NAA10: variants seen among roughly 807,000 people sequenced by gnomAD.
The protein encoded by NAA10 is N-alpha-acetyltransferase 10, NatA catalytic subunit.
A neutral mutation model predicts 19.2 loss-of-function variants in NAA10; 6 were observed. The observed-to-expected ratio is 0.31, with a 90% CI of 0.17 to 0.62. The LOEUF is 0.62. Ranked by LOEUF, NAA10 falls within the 20% of genes least tolerant of loss-of-function variation. The pLI, the probability that NAA10 is intolerant of heterozygous loss-of-function variation, is 0.83. For synonymous variants in NAA10, 97 were observed against 79.9 expected (o/e 1.21, Z -1.14); for missense variants, 101 against 198.4 (o/e 0.51, Z 2.95).
chrX:153,934,117 G>A (rs782639226), intron 2 of NAA10, 116 bp from the exon 3 acceptor site: 5 of 727,457 alleles, frequency 6.9e-6, no homozygotes, highest in Admixed American at 4.5e-5. Flanking sequence ...TCCGGGCTGA[G>A]TGGCTTGGTC....
intron 6 of NAA10, 72 bp downstream of exon 6, chrX:153,931,999 C>CGGCT: frequency 1.7e-6 from 2 of 1,211,525 alleles, no homozygotes. Flanking sequence ...GCAACTCAGC[C>CGGCT]GGTCTCAGGT....
chrX:153,929,256 A>C lies in NAA10; in HGVS notation c.*731T>G, dbSNP rs1603289656. 8.9e-6 allele frequency: 1 copy of C among 112,747 alleles called. No individual in the cohort carries two copies. Among genetic ancestry groups the C allele is most frequent in the East Asian group, 2.8e-4 (1 of 3,632 alleles). 9.3% of individuals were successfully genotyped at this position (112,747 alleles called of 1,213,427 possible). On this transcript the variant is annotated 3_prime_UTR_variant, in exon 8 of 8. Coordinates refer to ENST00000464845, the MANE Select transcript of NAA10 (RefSeq NM_003491.4). ...AAACCATGGGCTGTAGTTTACAATAACTTATCAGTATTGGCGCATCAACAA... is the reference window on the plus strand; with the variant it reads ...AAACCATGGGCTGTAGTTTACAATACCTTATCAGTATTGGCGCATCAACAA...
Position 153,930,821 on chromosome X carries a change from T to C in NAA10, c.413A>G (p.Tyr138Cys). Reference sequence around the variant, plus strand: ...GGCATAGGCGTCCTCCCCATCTGCATAGTATTTGGGCTCCACTTCACTGAT... The same window carrying C: ...GGCATAGGCGTCCTCCCCATCTGCACAGTATTTGGGCTCCACTTCACTGAT... ...FQISEVEPKY[Y>C]ADGEDAYAMK... The change falls in exon 7 of 8, where the codon TAT becomes TGT. Residue 138 changes from tyrosine to cysteine, a missense_variant. Coordinates refer to ENST00000464845, the MANE Select transcript of NAA10 (RefSeq NM_003491.4). The C allele has an allele frequency of 8.3e-7, 1 of 1,211,747 alleles. No individual in the cohort carries two copies. Among genetic ancestry groups the C allele is most frequent in the Non-Finnish European group, 1.1e-6 (1 of 895,454 alleles).
Position 153,934,986 on chromosome X carries a change from G to A in NAA10, c.-82C>T, listed in dbSNP as rs2065189648. 8 of 882,555 alleles carry A rather than the reference G, an allele frequency of 9.1e-6. No individual in the cohort carries two copies. The highest frequency in any genetic ancestry group is 5.4e-5 in the East Asian group (1 of 18,620). 72.7% of individuals were successfully genotyped at this position (882,555 alleles called of 1,213,427 possible). A position where few individuals can be genotyped will look rare whatever the true frequency, so the allele number is the denominator to read the frequency against. ...CGCGCTCCGAAGCGACGCCGGGACG[G>A]CCGGGGCTGGGACCGGAGCTGGGCT... is the stretch of plus-strand genomic sequence containing the variant. On this transcript the variant is annotated 5_prime_UTR_variant, in exon 1 of 8. Transcript: ENST00000464845.
chrX:153,934,510 C>G (rs1040857072), intron 1 of NAA10, 35 bp from the exon 2 acceptor site: 1 of 1,101,217 alleles, frequency 9.1e-7, no homozygotes, highest in Non-Finnish European at 1.2e-6. Context: ...CGCGCTCAGT[C>G]TAAGGCGGCG....
At chrX:153,932,264 T>A in intron 5 of NAA10, 52 bp downstream of exon 5, 1 of 1,110,141 alleles carries the variant, frequency 9.0e-7, no homozygotes, top group Non-Finnish European at 1.2e-6. Context: ...AGGACCCCCG[T>A]CAAGGCAGTA....
chrX:153,932,306 C>A lies in NAA10; in HGVS notation c.341+10G>T, dbSNP rs781902338. 32 of 1,200,276 alleles carry A rather than the reference C, an allele frequency of 2.7e-5. No individual in the cohort carries two copies. The South Asian group carries it at 5.3e-4, about 20-fold the overall frequency. On this transcript the variant is annotated intron_variant, in intron 5 of 7. Transcript: ENST00000464845. ...CCCCTCAATCCCCCTTCCCTCAGCCCGGCTTCCACCTCTTCCTGACATGCA... is the reference window on the plus strand; with the variant it reads ...CCCCTCAATCCCCCTTCCCTCAGCCAGGCTTCCACCTCTTCCTGACATGCA...
rs1391045725 is a variant in NAA10, at chrX:153,934,966, T to G, written c.-62A>C. 8 of 938,970 alleles carry G rather than the reference T, an allele frequency of 8.5e-6. No individual in the cohort carries two copies. The highest frequency in any genetic ancestry group is 6.7e-6 in the Non-Finnish European group (5 of 746,732). 77.4% of individuals were successfully genotyped at this position (938,970 alleles called of 1,213,427 possible). On this transcript the variant is annotated 5_prime_UTR_variant, in exon 1 of 8. Coordinates refer to ENST00000464845, the MANE Select transcript of NAA10 (RefSeq NM_003491.4). ...AAGGCGCAGTCAGCTGCCGCCGCGC[T>G]CCGAAGCGACGCCGGGACGGCCGGG... is the stretch of plus-strand genomic sequence containing the variant.
At chrX:153,931,342 A>G (rs2065165394) in intron 6 of NAA10, 1 of 847,037 alleles carries the variant, frequency 1.2e-6, no homozygotes, top group African/African-American at 2.1e-5. Context: ...AGACATGAGG[A>G]TTGCTGACTT....
intron 3 of NAA10, 129 bp from the exon 4 acceptor site, chrX:153,932,713 G>A (rs2065173963): frequency 1.5e-6 from 1 of 652,451 alleles, no homozygotes; most frequent in Admixed American, 2.7e-5. Flanking sequence ...AGAGCCGGGA[G>A]CCTCTTGGAT....
At chrX:153,930,347 G>T in intron 7 of NAA10, 124 bp from the exon 8 acceptor site, 1 of 624,779 alleles carries the variant, frequency 1.6e-6, no homozygotes, top group Non-Finnish European at 2.7e-6. Flanking sequence ...GGCTAGGCAG[G>T]ACACGCGGGA....
At chrX:153,933,886 C>G (rs1378734005) in intron 3 of NAA10, 57 bp downstream of exon 3, 14 of 1,020,910 alleles carry the variant, frequency 1.4e-5, no homozygotes, top group Non-Finnish European at 1.9e-5. Flanking sequence ...TTTTTTAAAG[C>G]CCACAGAGGC....
intron 7 of NAA10, 74 bp downstream of exon 7, chrX:153,930,689 C>T (rs2065161519): frequency 2.7e-6 from 3 of 1,093,372 alleles, no homozygotes; most frequent in Non-Finnish European, 3.8e-6. Flanking sequence ...AAGTCGGTCT[C>T]GCCTGCAGCC....
intron 1 of NAA10, 39 bp downstream of exon 1, chrX:153,934,845 C>G: frequency 1.0e-6 from 1 of 988,685 alleles, no homozygotes; most frequent in Admixed American, 3.9e-5. Flanking sequence ...CGGCCCGGCG[C>G]CCACGCGGCG....
chrX:153,931,374 A>G (rs2065165532), intron 6 of NAA10: 1 of 828,179 alleles, frequency 1.2e-6, no homozygotes, highest in African/African-American at 2.2e-5. Flanking sequence ...AATTCCCACC[A>G]GACATCGTCA....
At chrX:153,934,710 C>T (rs1014047124) in intron 1 of NAA10, 174 bp downstream of exon 1, 2 of 629,187 alleles carry the variant, frequency 3.2e-6, no homozygotes, top group African/African-American at 4.4e-5. Flanking sequence ...AATCGCAGCC[C>T]CGGCCCCGCG....
rs781818367 is a variant in NAA10 at position 153,934,092 on chromosome X, T to C, written c.121-91A>G. 5.4e-5 allele frequency: 45 copies of C among 837,879 alleles called. No individual in the cohort carries two copies. In the African/African-American group the frequency reaches 6.4e-4, roughly 12 times the overall value. 69.1% of individuals were successfully genotyped at this position (837,879 alleles called of 1,213,427 possible). A position where few individuals can be genotyped will look rare whatever the true frequency, so the allele number is the denominator to read the frequency against. Reference sequence around the variant, plus strand: ...CAAACTGGACGAGTGGCGAGTTGTGTGATGGCTCATGACCTCCGGGCTGAG... The same window carrying C: ...CAAACTGGACGAGTGGCGAGTTGTGCGATGGCTCATGACCTCCGGGCTGAG... On this transcript the variant is annotated intron_variant, in intron 2 of 7. Transcript: ENST00000464845.
chrX:153,931,648 G>A (rs1249696612), intron 6 of NAA10: 42 of 856,949 alleles, frequency 4.9e-5, no homozygotes, highest in Non-Finnish European at 6.0e-5. Flanking sequence ...CTGGCCACTG[G>A]CCCTTCCTTC....
rs948860160 is a variant in NAA10, at chrX:153,930,986, G to A, written c.387-139C>T. On this transcript the variant is annotated intron_variant, in intron 6 of 7. Coordinates refer to ENST00000464845, the MANE Select transcript of NAA10 (RefSeq NM_003491.4). ...TCCATCCTGAGACAACAAGTCCAGT[G>A]TGACCTGCCCTCTGTTCTCTCCAGC... 4.1e-5 allele frequency: 49 copies of A among 1,189,659 alleles called. No individual in the cohort carries two copies. The African/African-American group carries it at 7.2e-4, about 17-fold the overall frequency.
Sources: gnomAD v4.1 joint callset for allele counts on GRCh38, gnomAD v4.1.1 for gene constraint, MANE v1.5 for transcripts, NCBI Gene and HGNC (gene_info 2026-07-23, HGNC 2026-07-21) for gene names.